Variants in DOCK10 observed in about 807,000 individuals in gnomAD.
DOCK10 encodes dedicator of cytokinesis protein 10.
DOCK10 carries 145 observed loss-of-function variants against 280.1 expected under a neutral mutation model. The ratio of observed to expected loss-of-function variants is 0.52; its 90% CI spans 0.45 to 0.59. The LOEUF (loss-of-function observed/expected upper bound fraction) is 0.59, where lower values mean the gene tolerates loss of function less well. DOCK10 is among the 20% of genes least tolerant of loss of function. The pLI is 0.00. For missense variants in DOCK10, 2,368 were observed against 2,651.7 expected (o/e 0.89, Z 2.35); for synonymous variants, 915 against 942.2 (o/e 0.97, Z 0.53).
At chr2:224,962,224 A>G (rs908963504) in intron 1 of DOCK10, among the ~76,000 whole-genome samples, 5 of 152,250 alleles carry the variant, frequency 3.3e-5, no homozygotes, top group African/African-American at 1.2e-4. Flanking sequence ...CATAACTTAA[A>G]TAAATACTTC....
At chr2:224,829,947 C>A (rs1695114621) in intron 27 of DOCK10, among the ~76,000 whole-genome samples, 1 of 152,168 alleles carries the variant, frequency 6.6e-6, no homozygotes. Context: ...ATATGTCATG[C>A]AAACTTGGAC....
In DOCK10 at chr2:224,851,207, G is replaced by C. The variant is rs142544505; in HGVS notation, c.2142+1170C>G. Among the ~76,000 whole-genome samples, 9 of 152,244 alleles carry C rather than the reference G, an allele frequency of 5.9e-5. No individual in the cohort carries two copies. In the East Asian group the frequency reaches 9.6e-4, roughly 16 times the overall value. ...CCCCTCTTCTGGAGTCTGACAGTTA[G>C]CTTTGCTGTATCTCTGTGTGGTATT... On this transcript the variant is annotated intron_variant, in intron 18 of 55. Coordinates refer to ENST00000258390, the MANE Select transcript of DOCK10 (RefSeq NM_014689.3).
At chr2:224,902,809 CT>C (rs1357938072) in intron 3 of DOCK10, among the ~76,000 whole-genome samples, 1 of 151,288 alleles carries the variant, frequency 6.6e-6, no homozygotes, top group Non-Finnish European at 1.5e-5. Context: ...TATTTAAAAA[CT>C]TGGCTGGGCG....
rs765419855 is a variant in DOCK10 at position 224,789,200 on chromosome 2, A to G, written c.5312-30T>C. On this transcript the variant is annotated intron_variant, in intron 47 of 55. Coordinates refer to ENST00000258390, the MANE Select transcript of DOCK10 (RefSeq NM_014689.3). ...GGAGGACCAAGCAGAATAAAACATT[A>G]TTATTTGAGACAAATTTTGCTTAGA... The G allele has an allele frequency of 6.8e-6, 10 of 1,481,252 alleles. No homozygotes were observed. In the East Asian group the frequency reaches 1.8e-4, roughly 27 times the overall value. The allele number at this position is 1,481,252 out of a possible 1,614,324, so 91.8% of individuals were successfully genotyped here.
intron 1 of DOCK10, among the ~76,000 whole-genome samples, chr2:224,948,041 A>G (rs867844477): frequency 2.6e-5 from 4 of 152,370 alleles, no homozygotes; most frequent in Middle Eastern, 3.4e-3. Context: ...ATAAACAGAT[A>G]TACAATATAG....
At chr2:224,983,872 C>T (rs769097204) in intron 1 of DOCK10, 3 of 470,956 alleles carry the variant, frequency 6.4e-6, no homozygotes, top group Non-Finnish European at 1.3e-5. Context: ...TCCCTCTGGA[C>T]ATTTGTCAGA....
intron 27 of DOCK10, among the ~76,000 whole-genome samples, chr2:224,826,533 G>GAA (rs112128765): frequency 1.4e-5 from 2 of 147,584 alleles, no homozygotes; most frequent in Non-Finnish European, 3.0e-5. Flanking sequence ...AATTTAAAAA[G>GAA]AAAAAAAAAA....
intron 1 of DOCK10, among the ~76,000 whole-genome samples, chr2:225,023,708 G>A (rs1249214107): frequency 6.6e-6 from 1 of 152,102 alleles, no homozygotes; most frequent in African/African-American, 2.4e-5. Flanking sequence ...ACCAAGAGAT[G>A]GGGAAAAGGC....
At chr2:225,023,453 A>T (rs1449923821) in intron 1 of DOCK10, among the ~76,000 whole-genome samples, 1 of 152,236 alleles carries the variant, frequency 6.6e-6, no homozygotes, top group African/African-American at 2.4e-5. Flanking sequence ...ATAAACATAT[A>T]AAACGATGCT....
At chr2:224,869,442 C>G (rs1302092584) in intron 11 of DOCK10, among the ~76,000 whole-genome samples, 1 of 152,010 alleles carries the variant, frequency 6.6e-6, no homozygotes, top group Middle Eastern at 3.2e-3. Context: ...GAATTAAGAA[C>G]AATGAGTTTA....
At chr2:225,012,088 A>T (rs535687851) in intron 1 of DOCK10, among the ~76,000 whole-genome samples, 1 of 152,300 alleles carries the variant, frequency 6.6e-6, no homozygotes, top group East Asian at 1.9e-4. Flanking sequence ...GATTTCTCAG[A>T]ATGAGGCCCC....
At chr2:224,854,402 T>C (rs1208138276) in intron 16 of DOCK10, among the ~76,000 whole-genome samples, 1 of 152,208 alleles carries the variant, frequency 6.6e-6, no homozygotes, top group African/African-American at 2.4e-5. Flanking sequence ...GAAAAAAATA[T>C]ATGTTCTCTG....
chr2:225,031,465 C>T (rs571534102), intron 1 of DOCK10, among the ~76,000 whole-genome samples: 142 of 152,168 alleles, frequency 9.3e-4, no homozygotes, highest in Non-Finnish European at 1.7e-3. Flanking sequence ...GGCCGAAGGA[C>T]GAATCTGTAG....
intron 45 of DOCK10, 77 bp downstream of exon 45, chr2:224,794,802 A>G (rs1692442223): frequency 7.2e-7 from 1 of 1,393,176 alleles, no homozygotes; most frequent in Non-Finnish European, 1.0e-6. Context: ...TTTCTAGTCC[A>G]TGCTGTAAAT....
At chr2:224,766,299 TCAAA>T (rs1192598119) in intron 55 of DOCK10, among the ~76,000 whole-genome samples, 2 of 152,292 alleles carry the variant, frequency 1.3e-5, no homozygotes, top group South Asian at 2.1e-4. Context: ...TCAGATTGAT[TCAAA>T]CAATGACGTG....
Position 224,770,570 on chromosome 2 carries a change from C to G in DOCK10, c.6280G>C (p.Val2094Leu), listed in dbSNP as rs1690370340. Residue 2094 changes from valine to leucine, a missense_variant, in exon 54 of 56, where the codon GTA (valine) becomes CTA (leucine). By Grantham distance (32) the Val-to-Leu change is conservative. Coordinates refer to ENST00000258390, the MANE Select transcript of DOCK10 (RefSeq NM_014689.3). This position sits in a 1 kb window ranked among gnomAD's most constrained non-coding sequence, Gnocchi z 4.5. ...TNAKKYPDNQ[V>L]KLLKEIFRQF... ...CTGAAGATCTCCTTCAAAAGCTTTA[C>G]TTGGTTGTCAGGGTACTTCTTTGCA... 1 of 1,613,956 alleles carries G rather than the reference C, an allele frequency of 6.2e-7. No individual in the cohort carries two copies. The highest frequency in any genetic ancestry group is 8.5e-7 in the Non-Finnish European group (1 of 1,179,808).
intron 1 of DOCK10, among the ~76,000 whole-genome samples, chr2:225,017,454 GCA>G (rs111572272): frequency 5.4e-5 from 8 of 148,952 alleles, no homozygotes; most frequent in East Asian, 2.0e-4. Flanking sequence ...GAGAGAGAGA[GCA>G]AGAGCAAGCC....
chr2:224,992,141 T>C (rs1706143915), intron 1 of DOCK10, among the ~76,000 whole-genome samples: 1 of 152,044 alleles, frequency 6.6e-6, no homozygotes. Context: ...TCTTCAAGAG[T>C]TAGCTATGTG....
intron 38 of DOCK10, among the ~76,000 whole-genome samples, 176 bp from the exon 39 acceptor site, chr2:224,804,389 C>T (rs772338207): frequency 6.6e-6 from 1 of 150,752 alleles, no homozygotes; most frequent in Non-Finnish European, 1.5e-5. Context: ...AGTGAAGGTG[C>T]TTCAAACGTT....
Sources: gnomAD v4.1 joint callset for allele counts (sites outside exome capture counted in the v4.1 genomes callset) on GRCh38, gnomAD v4.1.1 for gene constraint, Gnocchi (gnomAD v3.1) non-coding constraint, MANE v1.5 for transcripts, NCBI Gene and HGNC (gene_info 2026-07-23, HGNC 2026-07-21) for gene names.